The following GSK3B variants were observed in gnomAD, a reference collection of about 807,000 sequenced individuals.
The protein encoded by GSK3B is glycogen synthase kinase-3 beta.
GSK3B carries 15 observed loss-of-function variants against 56.4 expected under a neutral mutation model. The observed-to-expected ratio is 0.27, with a 90% CI of 0.18 to 0.41. The LOEUF (loss-of-function observed/expected upper bound fraction) is 0.41. Among genes scored for constraint, GSK3B ranks in the 10% least tolerant of loss-of-function variants. GSK3B has a pLI of 1.00. For missense variants in GSK3B, 300 were observed against 513.4 expected, an observed-to-expected ratio of 0.58 and a Z score of 4.02; for synonymous variants, 181 against 188.9, an observed-to-expected ratio of 0.96 and a Z score of 0.34.
intron 2 of GSK3B, among the ~76,000 whole-genome samples, chr3:119,971,047 C>A (rs1183819236): frequency 1.3e-5 from 2 of 152,098 alleles, no homozygotes; most frequent in Non-Finnish European, 2.9e-5. Context: ...AGAATAATAT[C>A]ATTAAGGTAA....
At chr3:119,853,377 T>C (rs1206092881) in intron 9 of GSK3B, among the ~76,000 whole-genome samples, 1 of 152,248 alleles carries the variant, frequency 6.6e-6, no homozygotes, top group Admixed American at 6.5e-5. Context: ...TTTGTTCTTT[T>C]TGCTTAAGAT....
chr3:119,874,283 T>C (rs1274875878), intron 8 of GSK3B, among the ~76,000 whole-genome samples: 1 of 152,108 alleles, frequency 6.6e-6, no homozygotes, highest in Non-Finnish European at 1.5e-5. Context: ...CAAGTAGTAC[T>C]AAACCCTACA....
At chr3:119,936,763 G>C (rs1446537822) in intron 3 of GSK3B, among the ~76,000 whole-genome samples, 1 of 151,960 alleles carries the variant, frequency 6.6e-6, no homozygotes, top group African/African-American at 2.4e-5. Flanking sequence ...TAACAGAATA[G>C]AAGGGAGAAA....
At chr3:119,954,151 A>G (rs1424801415) in intron 2 of GSK3B, among the ~76,000 whole-genome samples, 1 of 152,044 alleles carries the variant, frequency 6.6e-6, no homozygotes, top group African/African-American at 2.4e-5. Flanking sequence ...AATTTCTTCT[A>G]CTTTCCAACT....
chr3:119,904,414 G>C (rs2056661511), intron 7 of GSK3B, among the ~76,000 whole-genome samples: 1 of 152,038 alleles, frequency 6.6e-6, no homozygotes. Flanking sequence ...CTCAAAAATG[G>C]TACCAAAAAG....
chr3:119,958,487 A>C (rs1198117047), intron 2 of GSK3B, among the ~76,000 whole-genome samples: 1 of 152,038 alleles, frequency 6.6e-6, no homozygotes, highest in Non-Finnish European at 1.5e-5. Flanking sequence ...GACCAGCCTG[A>C]CAACACAGGG....
intron 2 of GSK3B, among the ~76,000 whole-genome samples, chr3:119,992,672 A>T (rs1049837299): frequency 4.6e-5 from 7 of 152,188 alleles, no homozygotes; most frequent in Admixed American, 4.6e-4. Flanking sequence ...ACAAAGTAAA[A>T]ATTACACATA....
intron 1 of GSK3B, among the ~76,000 whole-genome samples, chr3:120,042,451 T>C (rs368045503): frequency 6.6e-6 from 1 of 152,184 alleles, no homozygotes; most frequent in Non-Finnish European, 1.5e-5. Context: ...TGTAAATATA[T>C]GAAAACTGAT....
chr3:119,854,629 C>A (rs2055990672), intron 9 of GSK3B, among the ~76,000 whole-genome samples: 1 of 152,182 alleles, frequency 6.6e-6, no homozygotes, highest in East Asian at 1.9e-4. Context: ...GATTCAACTT[C>A]TTCCTGGTTT....
intron 7 of GSK3B, among the ~76,000 whole-genome samples, chr3:119,885,135 C>T (rs1399681377): frequency 6.6e-6 from 1 of 151,894 alleles, no homozygotes; most frequent in Non-Finnish European, 1.5e-5. Flanking sequence ...CTGATAAATG[C>T]CTTCAGTAGT....
intron 9 of GSK3B, among the ~76,000 whole-genome samples, chr3:119,860,495 T>A (rs941994487): frequency 2.0e-5 from 3 of 152,228 alleles, no homozygotes; most frequent in Admixed American, 2.0e-4. Context: ...ATCTCATATC[T>A]GTTCATCTCT....
chr3:119,926,836 A>C (rs995104159), intron 3 of GSK3B, among the ~76,000 whole-genome samples: 4 of 152,092 alleles, frequency 2.6e-5, no homozygotes, highest in African/African-American at 9.7e-5. Context: ...ACTCCTTCAA[A>C]ATCTTTGGTA....
chr3:119,853,985 CCT>C (rs942730499), intron 9 of GSK3B, among the ~76,000 whole-genome samples: 17 of 152,190 alleles, frequency 1.1e-4, no homozygotes, highest in African/African-American at 3.4e-4. Context: ...AAAGGGAACC[CCT>C]GTCTTGTGCC....
intron 9 of GSK3B, among the ~76,000 whole-genome samples, chr3:119,852,379 C>T (rs1031399608): frequency 6.6e-6 from 1 of 151,456 alleles, no homozygotes; most frequent in South Asian, 2.1e-4. Flanking sequence ...GACAGAGTCT[C>T]GCTCTGCTGC....
chr3:119,891,795 CA>C (rs1322947607), intron 7 of GSK3B, among the ~76,000 whole-genome samples: 24 of 152,150 alleles, frequency 1.6e-4, no homozygotes, highest in African/African-American at 5.5e-4. Context: ...ATTATCACAC[CA>C]ATGGGAAGGG....
chr3:120,024,325 C>T (rs750073459), intron 1 of GSK3B, among the ~76,000 whole-genome samples: 13 of 152,140 alleles, frequency 8.5e-5, no homozygotes, highest in Non-Finnish European at 1.9e-4. Flanking sequence ...TGTACTCCAG[C>T]CTGGGCAACA....
chr3:119,984,090 T>C (rs973759704), intron 2 of GSK3B, among the ~76,000 whole-genome samples: 7 of 152,034 alleles, frequency 4.6e-5, no homozygotes, highest in East Asian at 3.9e-4. Flanking sequence ...ACTGAACAAC[T>C]TGCTCCTGAA....
At chr3:119,901,140 T>A (rs75385613) in intron 7 of GSK3B, among the ~76,000 whole-genome samples, 15,942 of 152,198 alleles carry the variant, frequency 0.1, 949 homozygotes, top group African/African-American at 0.17. Context: ...GCAAAATTCC[T>A]GGTAGAGATT....
At chr3:119,848,592 C>T (rs1213522475) in intron 9 of GSK3B, among the ~76,000 whole-genome samples, 2 of 152,100 alleles carry the variant, frequency 1.3e-5, no homozygotes, top group Non-Finnish European at 2.9e-5. Flanking sequence ...AGTCACTCTA[C>T]ATTAATCCCT....
Sources: gnomAD v4.1 joint callset for allele counts (sites outside exome capture counted in the v4.1 genomes callset) on GRCh38, gnomAD v4.1.1 for gene constraint, MANE v1.5 for transcripts, NCBI Gene and HGNC (gene_info 2026-07-23, HGNC 2026-07-21) for gene names.